Variants in DIS3L observed in about 807,000 individuals in gnomAD.
DIS3L encodes the protein DIS3-like exonuclease 1.
In DIS3L, 100 loss-of-function variants were observed where a neutral mutation model predicts 120.3. That is an observed-to-expected ratio of 0.83 (90% CI 0.71 to 0.98). DIS3L has a LOEUF of 0.98. DIS3L is among the 50% of genes least tolerant of loss of function. DIS3L has a pLI of 0.00. For missense variants in DIS3L, 1,196 were observed against 1,314.2 expected (o/e 0.91, Z 1.39); for synonymous variants, 426 against 470.6 (o/e 0.91, Z 1.23).
intron 4 of DIS3L, 111 bp from the exon 5 acceptor site, chr15:66,311,612 AC>A: frequency 8.1e-7 from 1 of 1,239,664 alleles, no homozygotes; most frequent in Non-Finnish European, 1.2e-6. Context: ...CTCACTGAGC[AC>A]CCCCTCAAGA....
Position 66,332,485 on chromosome 15 carries a change from AGTGTGTGTGTGT to A in DIS3L, c.2682-232_2682-221del, listed in dbSNP as rs778480622. 1.3e-4 allele frequency among the ~76,000 whole-genome samples: 14 copies of A among 109,748 alleles called. No individual in the cohort carries two copies. The South Asian group carries it at 1.3e-3, about 10-fold the overall frequency. The allele number at this position is 109,748 out of a possible 152,430, so 72.0% of individuals were successfully genotyped here. A position where few individuals can be genotyped will look rare whatever the true frequency, so the allele number is the denominator to read the frequency against. On this transcript the variant is annotated intron_variant, in intron 15 of 16. Coordinates refer to ENST00000319212, the MANE Select transcript of DIS3L (RefSeq NM_001143688.3). ...AAAAAAAAAAAAAAGTGAAGACTGG[AGTGTGTGTGTGT>A]GTGTGTGTGTGTGTGTGTATATATA...
At chr15:66,311,682 G>A in intron 4 of DIS3L, 42 bp from the exon 5 acceptor site, 1 of 1,608,376 alleles carries the variant, frequency 6.2e-7, no homozygotes, top group Non-Finnish European at 8.5e-7. Context: ...TGAAGAATCA[G>A]TACCTTCTGA....
chr15:66,318,729 T>G (rs12901738), intron 8 of DIS3L, 111 bp downstream of exon 8: 86,667 of 1,161,358 alleles, frequency 0.075, 3,507 homozygotes, highest in Non-Finnish European at 0.082. Context: ...TATAAAGAAA[T>G]AAATTATTGA....
chr15:66,320,585 C>T lies in DIS3L; in HGVS notation c.1179C>T (p.Val393=), dbSNP rs771316933. Residue 393 remains valine, a synonymous_variant, in exon 9 of 17, where the codon GTC becomes GTT. Coordinates refer to ENST00000319212, the MANE Select transcript of DIS3L (RefSeq NM_001143688.3). ...CTTTTGTGCAGGACTTCAGGGTGGT[C>T]GTGCGCATCGATTCCTGGGAGTCAA... ...QAETLQDFRV[V]VRIDSWESTS... The T allele has an allele frequency of 6.2e-6, 10 of 1,613,444 alleles. No individual in the cohort carries two copies. The highest frequency in any genetic ancestry group is 1.7e-4 in the Middle Eastern group (1 of 6,056).
chr15:66,300,318 C>T (rs1714451949), intron 2 of DIS3L, among the ~76,000 whole-genome samples: 1 of 152,112 alleles, frequency 6.6e-6, no homozygotes, highest in Non-Finnish European at 1.5e-5. Context: ...TGTATAATTC[C>T]ATTTATGTAA....
intron 2 of DIS3L, 31 bp from the exon 3 acceptor site, chr15:66,306,793 G>A: frequency 6.2e-7 from 1 of 1,612,642 alleles, no homozygotes; most frequent in East Asian, 2.2e-5. Context: ...TACCTGCTTT[G>A]TTAGAGTTAT....
intron 14 of DIS3L, 76 bp downstream of exon 14, chr15:66,329,475 G>T: frequency 6.8e-7 from 1 of 1,469,462 alleles, no homozygotes; most frequent in Non-Finnish European, 9.1e-7. Flanking sequence ...GTAGTACCGT[G>T]AAGTATCATA....
intron 7 of DIS3L, among the ~76,000 whole-genome samples, 179 bp downstream of exon 7, chr15:66,315,394 A>G (rs1306306796): frequency 6.6e-6 from 1 of 152,162 alleles, no homozygotes; most frequent in Non-Finnish European, 1.5e-5. Context: ...GTATAATATA[A>G]TATGATGTTT....
intron 2 of DIS3L, 70 bp downstream of exon 2, chr15:66,295,211 G>A (rs752741218): frequency 1.7e-4 from 239 of 1,444,014 alleles, no homozygotes; most frequent in Non-Finnish European, 2.1e-4. Flanking sequence ...TCCCTTGTCG[G>A]AGGGGGATGG....
chr15:66,320,876 T>A, intron 9 of DIS3L, 144 bp downstream of exon 9: 1 of 1,077,966 alleles, frequency 9.3e-7, no homozygotes, highest in Non-Finnish European at 1.3e-6. Context: ...CAATCCTCTT[T>A]ATTCTATATT....
intron 2 of DIS3L, among the ~76,000 whole-genome samples, chr15:66,303,604 G>A (rs1029042958): frequency 2.6e-5 from 4 of 152,116 alleles, no homozygotes; most frequent in East Asian, 3.8e-4. Context: ...TAGGTAAAGG[G>A]AATAAAAACT....
rs1424596153 is a variant in DIS3L at position 66,302,774 on chromosome 15, T to C, written c.294-4050T>C. Among the ~76,000 whole-genome samples the C allele has an allele frequency of 3.9e-5, 6 of 152,220 alleles. No homozygotes were observed. The South Asian group carries it at 6.2e-4, about 16-fold the overall frequency. On this transcript the variant is annotated intron_variant, in intron 2 of 16. Transcript: ENST00000319212. ...CACCGAAATGGGTGGTTCTGTCTTATGTTTGGTTTGTTTTTGCCAAGTAGC... is the reference window on the plus strand; with the variant it reads ...CACCGAAATGGGTGGTTCTGTCTTACGTTTGGTTTGTTTTTGCCAAGTAGC...
Position 66,332,021 on chromosome 15 carries a change from G to T in DIS3L, c.2681+1G>T. 6.2e-7 allele frequency: 1 copy of T among 1,605,898 alleles called. No individual in the cohort carries two copies. The highest frequency in any genetic ancestry group is 8.5e-7 in the Non-Finnish European group (1 of 1,178,090). The stretch of plus-strand genomic sequence containing the variant: ...ATGGTGTGCTTCTATTTATACCAAG[G>T]TATGTTACATCTAATGCAATGGTGC... On this transcript the variant is annotated splice_donor_variant, in intron 15 of 16. Transcript: ENST00000319212. LOFTEE classifies it high-confidence loss of function.
At chr15:66,293,882 C>CAT (rs2092552617) in intron 1 of DIS3L, 147 bp downstream of exon 1, 1 of 1,004,172 alleles carries the variant, frequency 1.0e-6, no homozygotes, top group Non-Finnish European at 1.2e-6. Flanking sequence ...GGCCTCACCC[C>CAT]CCGGCTCTCT....
intron 11 of DIS3L, 31 bp from the exon 12 acceptor site, chr15:66,325,800 A>G (rs1431068764): frequency 6.4e-6 from 10 of 1,557,170 alleles, no homozygotes; most frequent in African/African-American, 1.4e-5. Flanking sequence ...GAATTTGAAT[A>G]GTGATGTTGT....
chr15:66,299,497 G>A (rs1010950527), intron 2 of DIS3L, among the ~76,000 whole-genome samples: 6 of 147,778 alleles, frequency 4.1e-5, no homozygotes, highest in African/African-American at 1.5e-4. Flanking sequence ...AGTGAGCCAC[G>A]ATCACGCCGT....
chr15:66,293,806 C>G, intron 1 of DIS3L, 71 bp downstream of exon 1: 1 of 1,087,680 alleles, frequency 9.2e-7, no homozygotes, highest in Non-Finnish European at 1.1e-6. Flanking sequence ...CTGAGCGCGG[C>G]CGGGAGGCGG....
intron 2 of DIS3L, among the ~76,000 whole-genome samples, chr15:66,299,729 G>A (rs2092627170): frequency 6.6e-6 from 1 of 152,132 alleles, no homozygotes; most frequent in Non-Finnish European, 1.5e-5. Context: ...GTATAACTAA[G>A]AGAATTGAAA....
intron 1 of DIS3L, 58 bp downstream of exon 1, chr15:66,293,793 G>A (rs1427750006): frequency 4.5e-6 from 5 of 1,117,436 alleles, no homozygotes; most frequent in Non-Finnish European, 4.4e-6. Context: ...CCGCAGTGAG[G>A]GGCTGAGCGC....
Sources: gnomAD v4.1 joint callset for allele counts (sites outside exome capture counted in the v4.1 genomes callset) on GRCh38, gnomAD v4.1.1 for gene constraint, MANE v1.5 for transcripts, NCBI Gene and HGNC (gene_info 2026-07-23, HGNC 2026-07-21) for gene names.